The following ENPP6 variants were observed in gnomAD, a reference collection of about 807,000 sequenced individuals.
ENPP6 encodes the protein ectonucleotide pyrophosphatase/phosphodiesterase 6, also known as glycerophosphocholine cholinephosphodiesterase ENPP6.
ENPP6 carries 32 observed loss-of-function variants against 42.0 expected under a neutral mutation model. That is an observed-to-expected ratio of 0.76 (90% CI 0.58 to 1.02). The LOEUF (loss-of-function observed/expected upper bound fraction) is 1.02. ENPP6 is among the 50% of genes least tolerant of loss of function. The pLI, the probability that ENPP6 is intolerant of heterozygous loss-of-function variation, is 0.00. For missense variants in ENPP6, 552 were observed against 566.8 expected (o/e 0.97, Z 0.27); for synonymous variants, 213 against 216.0 (o/e 0.99, Z 0.12).
intron 1 of ENPP6, among the ~76,000 whole-genome samples, chr4:184,157,701 C>T (rs1737194637): frequency 1.3e-5 from 2 of 151,736 alleles, no homozygotes; most frequent in East Asian, 1.9e-4. Context: ...CAACCTTGAC[C>T]TCCCCAGGTT....
At chr4:184,093,213 T>G (rs1735837977) in intron 7 of ENPP6, among the ~76,000 whole-genome samples, 1 of 152,240 alleles carries the variant, frequency 6.6e-6, no homozygotes, top group Non-Finnish European at 1.5e-5. Flanking sequence ...CTATTATTAA[T>G]AAATATTTAT....
At chr4:184,106,186 C>T (rs938021211) in intron 6 of ENPP6, among the ~76,000 whole-genome samples, 2 of 152,104 alleles carry the variant, frequency 1.3e-5, no homozygotes, top group Non-Finnish European at 2.9e-5. Context: ...AGGCACATAC[C>T]ACCATGCCCG....
intron 6 of ENPP6, among the ~76,000 whole-genome samples, chr4:184,098,061 C>G (rs1312551357): frequency 1.3e-5 from 2 of 152,208 alleles, no homozygotes; most frequent in East Asian, 3.8e-4. Context: ...TTCTTTCCCA[C>G]GGGCCTCTCT....
intron 5 of ENPP6, among the ~76,000 whole-genome samples, chr4:184,114,780 A>G (rs926158904): frequency 6.8e-6 from 1 of 147,288 alleles, no homozygotes; most frequent in Non-Finnish European, 1.5e-5. Context: ...AAAAAAAAAA[A>G]GAAAAAAAGA....
intron 1 of ENPP6, among the ~76,000 whole-genome samples, chr4:184,211,647 T>C (rs989388946): frequency 7.9e-5 from 12 of 152,184 alleles, no homozygotes; most frequent in African/African-American, 2.7e-4. Flanking sequence ...ACAGCTGAAT[T>C]CTACCAGAGG....
chr4:184,200,255 G>C (rs970840373), intron 1 of ENPP6, among the ~76,000 whole-genome samples: 4 of 152,188 alleles, frequency 2.6e-5, no homozygotes, highest in Non-Finnish European at 4.4e-5. Context: ...GAAGCGGTGA[G>C]GACCCCATTG....
At chr4:184,106,287 A>G (rs558144704) in intron 6 of ENPP6, among the ~76,000 whole-genome samples, 24 of 152,210 alleles carry the variant, frequency 1.6e-4, no homozygotes, top group Middle Eastern at 6.8e-3. Context: ...CGCCTGCCTC[A>G]GCCTCCCAAA....
rs573985175 is a variant in ENPP6, at chr4:184,209,455, C to G, written c.241+8124G>C. Among the ~76,000 whole-genome samples, 6 of 151,540 alleles carry G rather than the reference C, an allele frequency of 4.0e-5. 1 individual carries two copies. Among genetic ancestry groups the G allele is most frequent in the African/African-American group, 1.5e-4 (6 of 41,006 alleles). On this transcript the variant is annotated intron_variant, in intron 1 of 7. Coordinates refer to ENST00000296741, the MANE Select transcript of ENPP6 (RefSeq NM_153343.4). ...GTGAAGAATGCAGAAGCCTCAGGAG[C>G]CAAAGCAATCAACTGGAAGAAAGGG...
At chr4:184,179,539 A>G (rs2111099148) in intron 1 of ENPP6, among the ~76,000 whole-genome samples, 1 of 152,318 alleles carries the variant, frequency 6.6e-6, no homozygotes, top group South Asian at 2.1e-4. Flanking sequence ...AGAACTTTCC[A>G]CTCAAAAACA....
intron 1 of ENPP6, among the ~76,000 whole-genome samples, chr4:184,175,201 C>T (rs919831068): frequency 6.6e-6 from 1 of 152,144 alleles, no homozygotes. Flanking sequence ...CGGTTTCTCT[C>T]TCTTCTCTGG....
chr4:184,178,732 A>C (rs1319434124), intron 1 of ENPP6, among the ~76,000 whole-genome samples: 4 of 152,240 alleles, frequency 2.6e-5, no homozygotes, highest in African/African-American at 9.6e-5. Context: ...TAACATTCTT[A>C]AAGAAAAGAA....
In ENPP6 at chr4:184,129,977, G is replaced by A. The variant is rs891549584; in HGVS notation, c.422-5705C>T. On this transcript the variant is annotated intron_variant, in intron 2 of 7. Coordinates refer to ENST00000296741, the MANE Select transcript of ENPP6 (RefSeq NM_153343.4). ...ATTCTAAACTCCCTTCTCTGTTTCT[G>A]TTTTGTCGAATATAAAGAGGAAAAC... Among the ~76,000 whole-genome samples, 5 of 152,172 alleles carry A rather than the reference G, an allele frequency of 3.3e-5. No homozygotes were observed. The East Asian group carries it at 9.6e-4, about 29-fold the overall frequency.
chr4:184,132,591 ATTC>A (rs58146542), intron 2 of ENPP6, among the ~76,000 whole-genome samples: 96,987 of 151,402 alleles, frequency 0.64, 31,369 homozygotes, highest in Non-Finnish European at 0.68. Context: ...CTTAAGAAAT[ATTC>A]TTCTTATCTA....
intron 2 of ENPP6, among the ~76,000 whole-genome samples, chr4:184,131,796 A>AACACACACACACACACACAC (rs140275578): frequency 4.3e-5 from 6 of 140,586 alleles, no homozygotes; most frequent in African/African-American, 1.6e-4. Flanking sequence ...GGACCAATAG[A>AACACACACACACACACACAC]ACACACACAC....
intron 1 of ENPP6, among the ~76,000 whole-genome samples, chr4:184,175,117 G>A (rs1041131267): frequency 1.3e-5 from 2 of 151,982 alleles, no homozygotes; most frequent in Non-Finnish European, 2.9e-5. Flanking sequence ...CTCCCTCCTT[G>A]CCCAGTGCCC....
At chr4:184,136,615 T>A (rs1218834950) in intron 2 of ENPP6, among the ~76,000 whole-genome samples, 1 of 152,240 alleles carries the variant, frequency 6.6e-6, no homozygotes, top group Non-Finnish European at 1.5e-5. Flanking sequence ...TCACTTGATA[T>A]AGAATTTTAC....
At chr4:184,192,254 T>G (rs1371007632) in intron 1 of ENPP6, among the ~76,000 whole-genome samples, 1 of 152,220 alleles carries the variant, frequency 6.6e-6, no homozygotes, top group Non-Finnish European at 1.5e-5. Context: ...CATGATAGTC[T>G]GATCTCACCA....
chr4:184,111,374 G>A (rs1426252257), intron 6 of ENPP6, among the ~76,000 whole-genome samples: 5 of 152,208 alleles, frequency 3.3e-5, no homozygotes, highest in African/African-American at 7.2e-5. Flanking sequence ...GAAGGCTGGC[G>A]TTGTGGAATA....
At chr4:184,136,881 A>G (rs566034059) in intron 2 of ENPP6, among the ~76,000 whole-genome samples, 4 of 152,038 alleles carry the variant, frequency 2.6e-5, no homozygotes, top group African/African-American at 4.8e-5. Flanking sequence ...CTCCATTATT[A>G]TTACTCAAAT....
Sources: allele counts gnomAD v4.1 joint callset (sites outside exome capture counted in the v4.1 genomes callset), GRCh38; gene constraint gnomAD v4.1.1; transcripts MANE v1.5; gene names NCBI Gene and HGNC (gene_info 2026-07-23, HGNC 2026-07-21).